GAN: variants seen among roughly 807,000 people sequenced by gnomAD.
GAN encodes the protein epididymis secretory sperm binding protein.
GAN carries 48 observed loss-of-function variants against 71.3 expected under a neutral mutation model. That is an observed-to-expected ratio of 0.67 (90% CI 0.53 to 0.86). The LOEUF (loss-of-function observed/expected upper bound fraction) is 0.86. GAN is among the 40% of genes least tolerant of loss of function. The pLI, the probability that GAN is intolerant of heterozygous loss-of-function variation, is 0.00. For synonymous variants in GAN, 386 were observed against 276.8 expected (o/e 1.39, Z -3.92); for missense variants, 928 against 770.1 (o/e 1.21, Z -2.43).
chr16:81,362,596 G>A lies in GAN; in HGVS notation c.1071G>A (p.Leu357=), dbSNP rs2150690255. Residue 357 remains leucine (L), a synonymous_variant, in exon 6 of 11, where the codon TTG becomes TTA. Transcript: ENST00000648994. ...YDPDANTWTA[L]PPMNEARHNF... ...CAGATGCAAATACATGGACAGCATTGCCACCTATGAACGAGGTAAAACACT... is the reference window on the plus strand; with the variant it reads ...CAGATGCAAATACATGGACAGCATTACCACCTATGAACGAGGTAAAACACT... The A allele has an allele frequency of 6.5e-7, 1 of 1,544,684 alleles. No homozygotes were observed. The highest frequency in any genetic ancestry group is 9.0e-7 in the Non-Finnish European group (1 of 1,116,550).
rs565161769 is a variant in GAN, at chr16:81,384,403, C to T, written c.*6807C>T. The stretch of plus-strand genomic sequence containing the variant: ...CTGATTACTTGAAACTCAACTTGAA[C>T]TTTAAAGAGTCTTTAAAAGGCTGTT... On this transcript the variant is annotated 3_prime_UTR_variant, in exon 11 of 11. Transcript: ENST00000648994. The T allele has an allele frequency of 6.6e-6, 1 of 151,810 alleles. No homozygotes were observed. Among genetic ancestry groups the T allele is most frequent in the African/African-American group, 2.4e-5 (1 of 41,442 alleles). The allele number at this position is 151,810 out of a possible 1,614,324, so 9.4% of individuals were successfully genotyped here.
chr16:81,368,573 A>G (rs1910936135), intron 9 of GAN, among the ~76,000 whole-genome samples: 3 of 152,296 alleles, frequency 2.0e-5, no homozygotes, highest in Non-Finnish European at 2.9e-5. Flanking sequence ...TCGTGCCACT[A>G]CACTCCATCC....
rs766484755 is a variant in GAN at position 81,354,687 on chromosome 16, G to A, written c.565G>A (p.Val189Ile). The stretch of plus-strand genomic sequence containing the variant: ...AGTGATTTCTCTTGAGAAGTTAAAC[G>A]TTGGCAATGAAAGATATGTCTTTGA... Reference protein sequence around the residue: ...KEVISLEKLNVGNERYVFEAV... With the variant: ...KEVISLEKLNIGNERYVFEAV... Residue 189 changes from valine (V) to isoleucine (I), a missense_variant, in exon 3 of 11, where the codon GTT becomes ATT. Val to Ile is a conservative substitution (Grantham distance 29). Coordinates refer to ENST00000648994, the MANE Select transcript of GAN (RefSeq NM_022041.4). The A allele has an allele frequency of 1.8e-5, 29 of 1,613,444 alleles. No individual in the cohort carries two copies. In the Admixed American group the frequency reaches 3.5e-4, roughly 19 times the overall value.
At chr16:81,332,644 C>A (rs1236617809) in intron 1 of GAN, among the ~76,000 whole-genome samples, 1 of 152,208 alleles carries the variant, frequency 6.6e-6, no homozygotes, top group African/African-American at 2.4e-5. Context: ...CATGCCTGCT[C>A]CACAGTGCTT....
chr16:81,315,181 T>A lies in GAN; in HGVS notation c.68T>A (p.Phe23Tyr). ...CGTCTGCTGCGAGCGCTCAGCTCTT[T>A]CCGCGAGGAGTCTCGCTTCTGCGAC... ...AARLLRALSSFREESRFCDAH... is the reference protein window; with the variant it reads ...AARLLRALSSYREESRFCDAH... The change falls in exon 1 of 11, where the codon TTC becomes TAC. Residue 23 changes from phenylalanine to tyrosine, a missense_variant. Transcript: ENST00000648994. 1.3e-6 allele frequency: 2 copies of A among 1,571,704 alleles called. No individual in the cohort carries two copies. Among genetic ancestry groups the A allele is most frequent in the Non-Finnish European group, 1.7e-6 (2 of 1,161,398 alleles).
At chr16:81,328,646 C>CCTA (rs1555509138) in intron 1 of GAN, among the ~76,000 whole-genome samples, 7 of 29,648 alleles carry the variant, frequency 2.4e-4, no homozygotes. Flanking sequence ...CAGTGTGTAT[C>CCTA]TTATTTTTTT....
In GAN at chr16:81,385,417, G is replaced by A. The variant is rs888473621; in HGVS notation, c.*7821G>A. The A allele has an allele frequency of 6.6e-6, 1 of 152,214 alleles. No homozygotes were observed. The highest frequency in any genetic ancestry group is 2.4e-5 in the African/African-American group (1 of 41,450). The allele number at this position is 152,214 out of a possible 1,614,324, so 9.4% of individuals were successfully genotyped here. On this transcript the variant is annotated 3_prime_UTR_variant, in exon 11 of 11. Transcript: ENST00000648994. ...AGGCCTTGGTGGCAGGTGCATCTGG[G>A]CTTGGGGGCTTCTGCCACACTTACT...
At chr16:81,370,082 T>G (rs1000501980) in intron 9 of GAN, among the ~76,000 whole-genome samples, 2 of 152,220 alleles carry the variant, frequency 1.3e-5, no homozygotes, top group Non-Finnish European at 2.9e-5. Flanking sequence ...CAGTTTGCTT[T>G]TACTTGTCAG....
chr16:81,332,990 A>G (rs4888140), intron 1 of GAN, among the ~76,000 whole-genome samples: 51,895 of 151,988 alleles, frequency 0.34, 9,959 homozygotes, highest in East Asian at 0.72. Flanking sequence ...CTGTAATCCC[A>G]GCACTTTGGG....
intron 1 of GAN, among the ~76,000 whole-genome samples, chr16:81,343,508 G>C (rs1459734968): frequency 2.0e-5 from 3 of 152,122 alleles, no homozygotes; most frequent in Non-Finnish European, 2.9e-5. Context: ...CAGAACCAAC[G>C]ACAAAAACCA....
chr16:81,325,692 A>T (rs905029638), intron 1 of GAN, among the ~76,000 whole-genome samples: 3 of 152,174 alleles, frequency 2.0e-5, no homozygotes, highest in African/African-American at 7.2e-5. Context: ...AGAATTAAGG[A>T]GGAAATCAAC....
At chr16:81,372,823 AT>A (rs1911078648) in intron 9 of GAN, among the ~76,000 whole-genome samples, 1 of 152,242 alleles carries the variant, frequency 6.6e-6, no homozygotes, top group African/African-American at 2.4e-5. Context: ...TTTTTCAAAC[AT>A]TATCTTTCAA....
chr16:81,358,535 G>C (rs900885585), intron 5 of GAN, among the ~76,000 whole-genome samples: 2 of 151,924 alleles, frequency 1.3e-5, no homozygotes, highest in African/African-American at 4.8e-5. Flanking sequence ...CTTGAGCCCA[G>C]GAGATCGAGA....
At chr16:81,326,363 CAA>C (rs66769713) in intron 1 of GAN, among the ~76,000 whole-genome samples, 67 of 138,736 alleles carry the variant, frequency 4.8e-4, no homozygotes, top group African/African-American at 1.6e-3. Context: ...ACTAAAAATA[CAA>C]AAAAAAAAAA....
intron 1 of GAN, among the ~76,000 whole-genome samples, chr16:81,316,138 G>C (rs539890847): frequency 6.6e-6 from 1 of 152,300 alleles, no homozygotes; most frequent in Non-Finnish European, 1.5e-5. Flanking sequence ...ATCAGATCTT[G>C]CAGGAGACTA....
At chr16:81,372,569 C>G (rs1911070445) in intron 9 of GAN, among the ~76,000 whole-genome samples, 1 of 152,122 alleles carries the variant, frequency 6.6e-6, no homozygotes, top group African/African-American at 2.4e-5. Flanking sequence ...TTGTCTTTAC[C>G]TAAAATAGAT....
chr16:81,365,127 T>C lies in GAN; in HGVS notation c.1373+17T>C, dbSNP rs1035129662. ...AGAGAGGAGGTACGTGGCTGTGGGG[T>C]GGACTTTGTAGATTCCCTTGCTGTT... On this transcript the variant is annotated intron_variant, in intron 8 of 10. Transcript: ENST00000648994. 1 of 1,612,410 alleles carries C rather than the reference T, an allele frequency of 6.2e-7. No individual in the cohort carries two copies. Among genetic ancestry groups the C allele is most frequent in the African/African-American group, 1.3e-5 (1 of 74,848 alleles).
In GAN at chr16:81,374,270, T is replaced by A. The variant is rs139065859; in HGVS notation, c.1503-2949T>A. 6.1e-3 allele frequency among the ~76,000 whole-genome samples: 926 copies of A among 152,344 alleles called. 6 individuals carry two copies. Among genetic ancestry groups the A allele is most frequent in the African/African-American group, 0.021 (878 of 41,580 alleles). On this transcript the variant is annotated intron_variant, in intron 9 of 10. Transcript: ENST00000648994. ...TGCTGGTGACATTAACCTTGATGAC[T>A]TGGTTAAGGTGGTATCTGTTAGATT...
chr16:81,353,184 G>T (rs966255846), intron 2 of GAN, among the ~76,000 whole-genome samples: 1 of 151,770 alleles, frequency 6.6e-6, no homozygotes, highest in South Asian at 2.1e-4. Context: ...CCGGCTACTC[G>T]GGAGGCTGAG....
Sources: gnomAD v4.1 joint callset for allele counts (sites outside exome capture counted in the v4.1 genomes callset) on GRCh38, gnomAD v4.1.1 for gene constraint, MANE v1.5 for transcripts, NCBI Gene and HGNC (gene_info 2026-07-23, HGNC 2026-07-21) for gene names.